MARCHF3: variants seen among roughly 807,000 people sequenced by gnomAD.
MARCHF3 encodes E3 ubiquitin-protein ligase MARCHF3.
In MARCHF3, 13 loss-of-function variants were observed where a neutral mutation model predicts 24.2. The observed-to-expected ratio is 0.54, with a 90% CI of 0.35 to 0.85. MARCHF3 has a LOEUF of 0.85. Among genes scored for constraint, MARCHF3 ranks in the 40% least tolerant of loss-of-function variants. MARCHF3 has a pLI of 0.01. For synonymous variants in MARCHF3, 144 were observed against 137.3 expected (o/e 1.05, Z -0.34); for missense variants, 276 against 325.0 (o/e 0.85, Z 1.16).
At chr5:126,991,384 A>C (rs1043581047) in intron 1 of MARCHF3, among the ~76,000 whole-genome samples, 21 of 151,698 alleles carry the variant, frequency 1.4e-4, no homozygotes, top group African/African-American at 4.6e-4. Context: ...AACATCACAC[A>C]CCGGGGCCTG....
chr5:126,890,369 G>A (rs901274237), intron 3 of MARCHF3, among the ~76,000 whole-genome samples: 4 of 150,128 alleles, frequency 2.7e-5, no homozygotes, highest in African/African-American at 9.9e-5. Context: ...CATGTGCCAT[G>A]CTGGTGCACT....
chr5:126,895,046 T>A (rs1321295705), intron 3 of MARCHF3, among the ~76,000 whole-genome samples: 1 of 152,094 alleles, frequency 6.6e-6, no homozygotes, highest in Admixed American at 6.6e-5. Flanking sequence ...CCTTCTCGCT[T>A]CATTTCATTC....
rs73786263 is a variant in MARCHF3 at position 126,987,020 on chromosome 5, T to A, written c.-57+43330A>T. Among the ~76,000 whole-genome samples, 14 of 152,212 alleles carry A rather than the reference T, an allele frequency of 9.2e-5. No individual in the cohort carries two copies. The East Asian group carries it at 2.5e-3, about 27-fold the overall frequency. ...GGTCAAACACTAGTCTATATGTTGC[T>A]GTGAGGGTATTTGTGGATGTGATGA... On this transcript the variant is annotated intron_variant, in intron 1 of 4. Transcript: ENST00000308660.
Position 126,918,841 on chromosome 5 carries a change from C to T in MARCHF3, c.-56-614G>A, listed in dbSNP as rs138939807. Among the ~76,000 whole-genome samples the T allele has an allele frequency of 7.2e-4, 110 of 152,344 alleles. 1 individual carries two copies. The East Asian group carries it at 0.019, about 27-fold the overall frequency. On this transcript the variant is annotated intron_variant, in intron 1 of 4. Coordinates refer to ENST00000308660, the MANE Select transcript of MARCHF3 (RefSeq NM_178450.5). Reference sequence around the variant, plus strand: ...GCATAATAAAATTTTCTACTCAATACATCTTGAAATTAACTTCCTTTAAAA... The same window carrying T: ...GCATAATAAAATTTTCTACTCAATATATCTTGAAATTAACTTCCTTTAAAA...
chr5:127,006,339 A>AT (rs1183306995), intron 1 of MARCHF3, among the ~76,000 whole-genome samples: 1 of 152,000 alleles, frequency 6.6e-6, no homozygotes, highest in Admixed American at 6.6e-5. Flanking sequence ...CGCTTTAATT[A>AT]TTTGTGATAT....
intron 1 of MARCHF3, among the ~76,000 whole-genome samples, chr5:126,994,024 T>C (rs1376936803): frequency 2.0e-5 from 3 of 152,156 alleles, no homozygotes; most frequent in Non-Finnish European, 4.4e-5. Context: ...GATATTTAGG[T>C]AAGAGAAATG....
At chr5:126,935,568 G>A (rs1305944448) in intron 1 of MARCHF3, among the ~76,000 whole-genome samples, 1 of 143,152 alleles carries the variant, frequency 7.0e-6, no homozygotes, top group Non-Finnish European at 1.5e-5. Context: ...AAACACCAAA[G>A]AGCCAATCTA....
At chr5:126,992,143 T>C (rs941603455) in intron 1 of MARCHF3, among the ~76,000 whole-genome samples, 8 of 152,194 alleles carry the variant, frequency 5.3e-5, no homozygotes, top group African/African-American at 1.7e-4. Context: ...CCAGCTTCTC[T>C]TTGCGCTCAC....
In MARCHF3 at chr5:126,987,378, G is replaced by A. The variant is rs117855651; in HGVS notation, c.-57+42972C>T. ...AAAAAGAAAGAAAATAAAAAAGACT[G>A]TAACATAGAATTCCTGCCTGAGTTT... On this transcript the variant is annotated intron_variant, in intron 1 of 4. Transcript: ENST00000308660. 1.9e-4 allele frequency among the ~76,000 whole-genome samples: 29 copies of A among 152,324 alleles called. No homozygotes were observed. In the East Asian group the frequency reaches 4.2e-3, roughly 22 times the overall value.
In MARCHF3 at chr5:126,958,289, G is replaced by T. The variant is rs1248898652; in HGVS notation, c.-56-40062C>A. ...TTGTCTTGTTTTACATTTTAATAAG[G>T]TTACTTGATTTTAATAAGGTGCTTC... On this transcript the variant is annotated intron_variant, in intron 1 of 4. Coordinates refer to ENST00000308660, the MANE Select transcript of MARCHF3 (RefSeq NM_178450.5). Among the ~76,000 whole-genome samples, 13 of 152,130 alleles carry T rather than the reference G, an allele frequency of 8.5e-5. No homozygotes were observed. In the East Asian group the frequency reaches 2.3e-3, roughly 27 times the overall value.
At chr5:126,916,005 G>A (rs2126793287) in intron 2 of MARCHF3, among the ~76,000 whole-genome samples, 1 of 152,334 alleles carries the variant, frequency 6.6e-6, no homozygotes, top group South Asian at 2.1e-4. Flanking sequence ...ATGACAGTGA[G>A]CATGTGAAAA....
At chr5:126,908,639 A>T (rs1408681950) in intron 3 of MARCHF3, among the ~76,000 whole-genome samples, 2 of 151,378 alleles carry the variant, frequency 1.3e-5, no homozygotes, top group Non-Finnish European at 1.5e-5. Flanking sequence ...TGCATTCTTC[A>T]TGTTGCTCTC....
chr5:126,992,117 T>A (rs1207142529), intron 1 of MARCHF3, among the ~76,000 whole-genome samples: 1 of 151,214 alleles, frequency 6.6e-6, no homozygotes, highest in Non-Finnish European at 1.5e-5. Context: ...TCAAAACCTG[T>A]GATTGTTCCC....
chr5:126,923,960 G>GTACT (rs1749214280), intron 1 of MARCHF3, among the ~76,000 whole-genome samples: 1 of 150,014 alleles, frequency 6.7e-6, no homozygotes, highest in African/African-American at 2.5e-5. Context: ...TTTTTTTTGA[G>GTACT]TACTTATTAG....
Position 126,869,707 on chromosome 5 carries a change from A to G in MARCHF3, c.*926T>C, listed in dbSNP as rs778823936. 1.3e-5 allele frequency: 2 copies of G among 150,136 alleles called. No homozygotes were observed. Among genetic ancestry groups the G allele is most frequent in the Admixed American group, 6.8e-5 (1 of 14,696 alleles). The allele number at this position is 150,136 out of a possible 1,614,324, so 9.3% of individuals were successfully genotyped here. On this transcript the variant is annotated 3_prime_UTR_variant, in exon 5 of 5. Coordinates refer to ENST00000308660, the MANE Select transcript of MARCHF3 (RefSeq NM_178450.5). ...CCTAGAAATGTCTAATGATCCTCCA[A>G]TTCATTACGAATCCCGAATTAAGAC...
intron 3 of MARCHF3, among the ~76,000 whole-genome samples, chr5:126,895,315 A>T (rs1225335547): frequency 6.6e-6 from 1 of 152,050 alleles, no homozygotes; most frequent in African/African-American, 2.4e-5. Context: ...CAGCTCCTCA[A>T]AGTCATTCTC....
chr5:126,905,753 G>A (rs1463720079), intron 3 of MARCHF3, among the ~76,000 whole-genome samples: 16 of 151,738 alleles, frequency 1.1e-4, no homozygotes, highest in South Asian at 2.1e-4. Flanking sequence ...CAATCATGTC[G>A]TCTGCAAACA....
intron 3 of MARCHF3, among the ~76,000 whole-genome samples, chr5:126,902,345 A>G (rs1754135612): frequency 6.6e-6 from 1 of 152,090 alleles, no homozygotes; most frequent in Admixed American, 6.6e-5. Context: ...ATATGAAGCA[A>G]TTATTGGTGT....
chr5:126,884,789 G>A (rs1753454965), intron 3 of MARCHF3, among the ~76,000 whole-genome samples: 1 of 152,154 alleles, frequency 6.6e-6, no homozygotes, highest in Admixed American at 6.5e-5. Context: ...TACTTGGGAG[G>A]CAATAGCCTC....
Sources: allele counts gnomAD v4.1 joint callset (sites outside exome capture counted in the v4.1 genomes callset), GRCh38; gene constraint gnomAD v4.1.1; transcripts MANE v1.5; gene names NCBI Gene and HGNC (gene_info 2026-07-23, HGNC 2026-07-21).